Variants in WT1 observed in about 807,000 individuals in gnomAD.
The protein encoded by WT1 is Wilms tumor protein.
A neutral mutation model predicts 60.8 loss-of-function variants in WT1; 8 were observed. The observed-to-expected ratio is 0.13, with a 90% CI of 0.08 to 0.24. The LOEUF is 0.24. WT1 is among the 10% of genes least tolerant of loss of function. The probability of loss-of-function intolerance (pLI) is 1.00; values close to 1 mark genes in which losing one functional copy is unlikely to be tolerated. For missense variants in WT1, 568 were observed against 711.8 expected (o/e 0.80, Z 2.30); for synonymous variants, 312 against 297.1 (o/e 1.05, Z -0.52).
At chr11:32,395,477 CTTT>C (rs757435741) in intron 7 of WT1, among the ~76,000 whole-genome samples, 3 of 143,808 alleles carry the variant, frequency 2.1e-5, no homozygotes, top group Non-Finnish European at 1.5e-5. Context: ...TCTCTCTCTC[CTTT>C]TTTTTTTTTT....
chr11:32,417,742 C>T, intron 3 of WT1, 88 bp from the exon 4 acceptor site: 1 of 1,148,614 alleles, frequency 8.7e-7, no homozygotes, highest in African/African-American at 1.5e-5. Context: ...TTTAACTTTT[C>T]TTGAAAGTGC....
At chr11:32,409,246 A>G (rs1276303701) in intron 5 of WT1, among the ~76,000 whole-genome samples, 1 of 152,176 alleles carries the variant, frequency 6.6e-6, no homozygotes, top group Non-Finnish European at 1.5e-5. Flanking sequence ...AATACCAGAA[A>G]TAATTAAATA....
intron 6 of WT1, among the ~76,000 whole-genome samples, chr11:32,397,256 T>C (rs1564973656): frequency 6.6e-6 from 1 of 152,164 alleles, no homozygotes. Flanking sequence ...CTCATTCCTT[T>C]ATAGATGAGT....
intron 1 of WT1, among the ~76,000 whole-genome samples, chr11:32,431,026 G>C (rs910072437): frequency 6.6e-6 from 1 of 151,986 alleles, no homozygotes; most frequent in Non-Finnish European, 1.5e-5. Flanking sequence ...CCAAGGTAGC[G>C]CCTTTCCCAC....
At chr11:32,389,217 A>C (rs755198850) in intron 9 of WT1, 38 bp from the exon 10 acceptor site, 4 of 1,613,774 alleles carry the variant, frequency 2.5e-6, no homozygotes, top group Non-Finnish European at 3.4e-6. Flanking sequence ...ACTTGCAACA[A>C]AGAGACAGGC....
chr11:32,422,187 A>G (rs1355650498), intron 3 of WT1, among the ~76,000 whole-genome samples: 2 of 152,268 alleles, frequency 1.3e-5, no homozygotes, highest in Non-Finnish European at 2.9e-5. Context: ...CCAGCAGGCC[A>G]TAATGAATAA....
At chr11:32,418,644 G>A (rs1471735188) in intron 3 of WT1, among the ~76,000 whole-genome samples, 1 of 152,200 alleles carries the variant, frequency 6.6e-6, no homozygotes, top group Admixed American at 6.5e-5. Flanking sequence ...GACCATCTCT[G>A]TCTGGTCATG....
chr11:32,428,490 C>A lies in WT1; in HGVS notation c.784+7G>T, dbSNP rs1033235205. ...GAGAAGGACTCCACTTGGTTCCGCT[C>A]GCTTACCCAGCGAGCCCTGCTGGCC... On this transcript the variant is annotated splice_region_variant and intron_variant, in intron 2 of 9. Coordinates refer to ENST00000452863, the MANE Select transcript of WT1 (RefSeq NM_024426.6). The A allele has an allele frequency of 1.5e-5, 24 of 1,614,036 alleles. No individual in the cohort carries two copies. Among genetic ancestry groups the A allele is most frequent in the East Asian group, 6.7e-5 (3 of 44,874 alleles).
rs1426223019 is a variant in WT1, at chr11:32,435,233, C to A, written c.128G>T (p.Gly43Val). 1.3e-6 allele frequency: 2 copies of A among 1,535,488 alleles called. No homozygotes were observed. The highest frequency in any genetic ancestry group is 3.8e-4 in the Middle Eastern group (2 of 5,216). ...GGCGGCGCCTAACTTGGCCCAGATG[C>A]CGCCCGGGTCCCGGACTCCCTGCTG... is the stretch of plus-strand genomic sequence containing the variant. The change falls in exon 1 of 10, where the codon GGC (glycine) becomes GTC (valine). Residue 43 changes from glycine (G) to valine (V), a missense_variant. Coordinates refer to ENST00000452863, the MANE Select transcript of WT1 (RefSeq NM_024426.6).
At position 32,413,637 on chromosome 11, in the gene WT1, A is replaced by G. The variant is rs558992396; in HGVS notation, c.1016+2853T>C. Among the ~76,000 whole-genome samples the G allele has an allele frequency of 3.9e-5, 6 of 152,358 alleles. No individual in the cohort carries two copies. In the East Asian group the frequency reaches 1.2e-3, roughly 29 times the overall value. On this transcript the variant is annotated intron_variant, in intron 5 of 9. Transcript: ENST00000452863. ...GGTTGTAAAATCAATCTAGTACATC[A>G]CAATCAGCATTTTAAAAAATGAAAT...
chr11:32,407,279 C>T (rs1277786364), intron 5 of WT1, among the ~76,000 whole-genome samples: 2 of 152,040 alleles, frequency 1.3e-5, no homozygotes, highest in African/African-American at 2.4e-5. Context: ...AAACACTTAA[C>T]ATTGCAAGAG....
At chr11:32,406,618 C>T (rs3858442) in intron 5 of WT1, among the ~76,000 whole-genome samples, 42,542 of 151,152 alleles carry the variant, frequency 0.28, 6,721 homozygotes, top group East Asian at 0.68. Context: ...GTTTACCCTC[C>T]ACCAAAAAAA....
At chr11:32,417,471 C>A (rs1010417001) in intron 4 of WT1, 106 bp downstream of exon 4, 2 of 1,026,286 alleles carry the variant, frequency 1.9e-6, no homozygotes, top group Non-Finnish European at 3.0e-6. Flanking sequence ...AGAGCTTTGC[C>A]CTTTCTTCTA....
chr11:32,433,893 A>G (rs915043040), intron 1 of WT1, among the ~76,000 whole-genome samples: 1 of 152,238 alleles, frequency 6.6e-6, no homozygotes, highest in Non-Finnish European at 1.5e-5. Flanking sequence ...TACAAGATGA[A>G]GAGGCGCCCC....
intron 5 of WT1, among the ~76,000 whole-genome samples, chr11:32,406,868 G>T (rs1008860404): frequency 6.6e-6 from 1 of 152,088 alleles, no homozygotes; most frequent in African/African-American, 2.4e-5. Context: ...GGAGGCCGAG[G>T]TGGGCGGATC....
intron 5 of WT1, among the ~76,000 whole-genome samples, chr11:32,414,062 T>C (rs139475719): frequency 8.8e-4 from 134 of 152,304 alleles, no homozygotes; most frequent in Non-Finnish European, 1.4e-3. Context: ...CTTAGATAAA[T>C]GTCCAGTTCA....
intron 1 of WT1, among the ~76,000 whole-genome samples, chr11:32,430,213 G>A (rs984042129): frequency 6.6e-6 from 1 of 152,072 alleles, no homozygotes; most frequent in African/African-American, 2.4e-5. Context: ...CTCCTGCTAA[G>A]TGGGCAAAGA....
Position 32,392,070 on chromosome 11 carries a change from T to C in WT1, c.1355-6A>G. The C allele has an allele frequency of 6.2e-7, 1 of 1,613,944 alleles. No homozygotes were observed. The highest frequency in any genetic ancestry group is 8.5e-7 in the Non-Finnish European group (1 of 1,179,906). ...ACACTGGAATGGTTTCACACCTAAATGGACAGAGAAGGTCTAGCCTCGGCC... is the reference window on the plus strand; with the variant it reads ...ACACTGGAATGGTTTCACACCTAAACGGACAGAGAAGGTCTAGCCTCGGCC... On this transcript the variant is annotated splice_polypyrimidine_tract_variant and splice_region_variant and intron_variant, in intron 8 of 9. Transcript: ENST00000452863.
intron 3 of WT1, among the ~76,000 whole-genome samples, chr11:32,419,508 C>A (rs1162165547): frequency 6.6e-6 from 1 of 152,140 alleles, no homozygotes; most frequent in Non-Finnish European, 1.5e-5. Context: ...TTATTTCATC[C>A]TTTCACAACT....
Sources: gnomAD v4.1 joint callset for allele counts (sites outside exome capture counted in the v4.1 genomes callset) on GRCh38, gnomAD v4.1.1 for gene constraint, MANE v1.5 for transcripts, NCBI Gene and HGNC (gene_info 2026-07-23, HGNC 2026-07-21) for gene names.